Variants in RASAL2 observed in about 807,000 individuals in gnomAD.
RASAL2 encodes the protein ras GTPase-activating protein nGAP.
A neutral mutation model predicts 128.9 loss-of-function variants in RASAL2; 58 were observed. That is an observed-to-expected ratio of 0.45 (90% CI 0.36 to 0.56). RASAL2 has a LOEUF of 0.56. Among genes scored for constraint, RASAL2 ranks in the 20% least tolerant of loss-of-function variants. The pLI, the probability that RASAL2 is intolerant of heterozygous loss-of-function variation, is 0.00. For missense variants in RASAL2, 1,360 were observed against 1,601.6 expected, an observed-to-expected ratio of 0.85 and a Z score of 2.57; for synonymous variants, 561 against 580.8, an observed-to-expected ratio of 0.97 and a Z score of 0.49.
At chr1:178,161,192 C>T (rs1226377492) in intron 1 of RASAL2, among the ~76,000 whole-genome samples, 1 of 151,646 alleles carries the variant, frequency 6.6e-6, no homozygotes, top group Non-Finnish European at 1.5e-5. Flanking sequence ...GTACTTTGTA[C>T]AATATCTTTT....
chr1:178,467,572 T>C (rs1237937862), intron 17 of RASAL2, 151 bp downstream of exon 17: 1 of 651,922 alleles, frequency 1.5e-6, no homozygotes, highest in Non-Finnish European at 2.7e-6. Context: ...TGAGTGTCTG[T>C]GTGACCTCCA....
chr1:178,286,299 C>G (rs924571484), intron 2 of RASAL2, among the ~76,000 whole-genome samples: 4 of 152,148 alleles, frequency 2.6e-5, no homozygotes, highest in African/African-American at 7.2e-5. Context: ...CAGTGGATGG[C>G]CGTTTTTCCT....
chr1:178,471,883 T>A (rs1302912966), intron 17 of RASAL2, among the ~76,000 whole-genome samples: 1 of 152,216 alleles, frequency 6.6e-6, no homozygotes, highest in African/African-American at 2.4e-5. Flanking sequence ...CCCTGAGCCC[T>A]GCTACTTCCT....
chr1:178,173,990 G>T (rs936533690), intron 1 of RASAL2, among the ~76,000 whole-genome samples: 1 of 150,512 alleles, frequency 6.6e-6, no homozygotes, highest in African/African-American at 2.5e-5. Flanking sequence ...CCATATTTAA[G>T]ACTATGATTC....
At chr1:178,443,534 G>T (rs1337050463) in intron 8 of RASAL2, among the ~76,000 whole-genome samples, 1 of 152,114 alleles carries the variant, frequency 6.6e-6, no homozygotes, top group African/African-American at 2.4e-5. Flanking sequence ...CATGTTCAAG[G>T]TTCCTTATCT....
At chr1:178,349,995 G>A (rs1220474715) in intron 3 of RASAL2, among the ~76,000 whole-genome samples, 1 of 152,100 alleles carries the variant, frequency 6.6e-6, no homozygotes, top group Non-Finnish European at 1.5e-5. Flanking sequence ...ATTAAGCTCT[G>A]CCACCTGTGC....
In RASAL2 at chr1:178,458,372, C is replaced by T; in HGVS notation, c.3080C>T (p.Pro1027Leu). The change falls in exon 14 of 18, where the codon CCA becomes CTA. Residue 1027 changes from proline (P) to leucine (L), a missense_variant. Coordinates refer to ENST00000367649, the MANE Select transcript of RASAL2 (RefSeq NM_170692.4). ...TTAGGTGCCCGAGCCAAAGCCCCACCATCCCTGCCACACAGTGCTTCTTTA... is the reference window on the plus strand; with the variant it reads ...TTAGGTGCCCGAGCCAAAGCCCCACTATCCCTGCCACACAGTGCTTCTTTA... Reference protein sequence around the residue: ...GGLGARAKAPPSLPHSASLRS... With the variant: ...GGLGARAKAPLSLPHSASLRS... 3.1e-6 allele frequency: 5 copies of T among 1,614,230 alleles called. No homozygotes were observed. Among genetic ancestry groups the T allele is most frequent in the Non-Finnish European group, 4.2e-6 (5 of 1,180,044 alleles).
intron 3 of RASAL2, among the ~76,000 whole-genome samples, chr1:178,323,141 G>A (rs1292090251): frequency 6.6e-6 from 1 of 152,040 alleles, no homozygotes; most frequent in African/African-American, 2.4e-5. Context: ...AGTACTTTTT[G>A]TACTTCTGAT....
chr1:178,381,429 G>A (rs1024324939), intron 3 of RASAL2, among the ~76,000 whole-genome samples: 1 of 152,102 alleles, frequency 6.6e-6, no homozygotes, highest in African/African-American at 2.4e-5. Flanking sequence ...GTTGGCTAAA[G>A]GGGGGCAAAT....
intron 3 of RASAL2, among the ~76,000 whole-genome samples, chr1:178,362,520 A>G (rs1336680499): frequency 2.2e-5 from 3 of 137,336 alleles, no homozygotes; most frequent in Non-Finnish European, 4.6e-5. Context: ...TCTAAAATCT[A>G]CTCCCTTGGA....
chr1:178,289,299 G>C (rs1448015729), intron 2 of RASAL2, among the ~76,000 whole-genome samples: 1 of 151,866 alleles, frequency 6.6e-6, no homozygotes, highest in African/African-American at 2.4e-5. Flanking sequence ...TTTCTTTCCT[G>C]CCTCTCTGGA....
intron 15 of RASAL2, 145 bp from the exon 16 acceptor site, chr1:178,465,775 A>G (rs1417380736): frequency 5.8e-6 from 4 of 688,292 alleles, no homozygotes; most frequent in Admixed American, 3.5e-5. Context: ...GCCAGCATCT[A>G]GCTACACTGC....
At chr1:178,421,225 A>G (rs181257154) in intron 5 of RASAL2, among the ~76,000 whole-genome samples, 1 of 152,234 alleles carries the variant, frequency 6.6e-6, no homozygotes, top group Non-Finnish European at 1.5e-5. Flanking sequence ...TTGGTTTGCA[A>G]TTACATCTAG....
At chr1:178,174,061 G>A (rs1661802208) in intron 1 of RASAL2, among the ~76,000 whole-genome samples, 1 of 151,916 alleles carries the variant, frequency 6.6e-6, no homozygotes, top group African/African-American at 2.4e-5. Flanking sequence ...TTACTTAGTT[G>A]ATGCAGCCTC....
At chr1:178,136,603 G>A (rs369506704) in intron 1 of RASAL2, among the ~76,000 whole-genome samples, 86 of 151,248 alleles carry the variant, frequency 5.7e-4, no homozygotes, top group African/African-American at 1.8e-3. Context: ...CAAAAAATAC[G>A]AAAATTACCG....
chr1:178,225,513 C>T (rs6668052), intron 1 of RASAL2, among the ~76,000 whole-genome samples: 1 of 151,828 alleles, frequency 6.6e-6, no homozygotes, highest in Non-Finnish European at 1.5e-5. Context: ...TTATCTCTTA[C>T]ATTTTTTTCT....
intron 1 of RASAL2, among the ~76,000 whole-genome samples, chr1:178,209,965 T>C (rs1372294446): frequency 3.3e-5 from 5 of 152,112 alleles, no homozygotes; most frequent in Non-Finnish European, 5.9e-5. Flanking sequence ...TGGAAAAATA[T>C]TAGTCATTAT....
chr1:178,320,564 G>C (rs944183633), intron 3 of RASAL2, among the ~76,000 whole-genome samples: 1 of 152,178 alleles, frequency 6.6e-6, no homozygotes, highest in Non-Finnish European at 1.5e-5. Context: ...TTCCAGGTGC[G>C]TCCGTCACCC....
At chr1:178,195,386 G>A (rs1268701434) in intron 1 of RASAL2, among the ~76,000 whole-genome samples, 1 of 152,170 alleles carries the variant, frequency 6.6e-6, no homozygotes, top group Non-Finnish European at 1.5e-5. Flanking sequence ...ATGTGAATTA[G>A]TGTAAGGTTA....
Sources: allele counts gnomAD v4.1 joint callset (sites outside exome capture counted in the v4.1 genomes callset), GRCh38; gene constraint gnomAD v4.1.1; transcripts MANE v1.5; gene names NCBI Gene and HGNC (gene_info 2026-07-23, HGNC 2026-07-21).